The following CBX5 variants were observed in gnomAD, a reference collection of about 807,000 sequenced individuals.
The protein encoded by CBX5 is chromobox 5, also known as chromobox protein homolog 5.
In CBX5, 7 loss-of-function variants were observed where a neutral mutation model predicts 20.7. The ratio of observed to expected loss-of-function variants is 0.34; its 90% confidence interval spans 0.19 to 0.63. The LOEUF (loss-of-function observed/expected upper bound fraction) is 0.63. Ranked by LOEUF, CBX5 falls within the 30% of genes least tolerant of loss-of-function variation. The pLI is 0.75. For synonymous variants in CBX5, 78 were observed against 77.0 expected (o/e 1.01, Z -0.07); for missense variants, 110 against 224.1 (o/e 0.49, Z 3.25).
intron 1 of CBX5, among the ~76,000 whole-genome samples, chr12:54,278,103 C>T (rs577408097): frequency 6.6e-6 from 1 of 152,316 alleles, no homozygotes; most frequent in Admixed American, 6.5e-5. Context: ...TGTCTGGAAA[C>T]AATCTGTCAC....
chr12:54,246,514 G>A (rs1164713781), intron 3 of CBX5, among the ~76,000 whole-genome samples: 1 of 152,130 alleles, frequency 6.6e-6, no homozygotes. Context: ...AGGCATGGTG[G>A]CTCACGCCTG....
intron 1 of CBX5, chr12:54,273,542 T>A (rs983214340): frequency 1.3e-5 from 2 of 152,154 alleles, no homozygotes; most frequent in African/African-American, 2.4e-5. Flanking sequence ...AAAGATAGGA[T>A]TGGAGAAATT....
intron 1 of CBX5, among the ~76,000 whole-genome samples, chr12:54,267,564 T>G (rs1474444392): frequency 1.3e-5 from 2 of 151,332 alleles, no homozygotes; most frequent in African/African-American, 2.4e-5. Flanking sequence ...CAGGCTGGAG[T>G]GCAGTGGCAC....
intron 1 of CBX5, among the ~76,000 whole-genome samples, chr12:54,278,491 T>A (rs1287908359): frequency 1.3e-5 from 2 of 152,240 alleles, no homozygotes; most frequent in Non-Finnish European, 1.5e-5. Flanking sequence ...ATCGTCTGTC[T>A]TTGGTATAAA....
intron 1 of CBX5, among the ~76,000 whole-genome samples, chr12:54,266,682 C>A (rs1943959757): frequency 6.6e-6 from 1 of 152,156 alleles, no homozygotes; most frequent in African/African-American, 2.4e-5. Context: ...ATGTGGGCTA[C>A]AAGACTCAAT....
Position 54,239,911 on chromosome 12 carries a change from T to C in CBX5, c.*1844A>G, listed in dbSNP as rs1251549742. On this transcript the variant is annotated 3_prime_UTR_variant, in exon 5 of 5. Transcript: ENST00000209875. ...TGTTAACAAATGCTATGAATGGGTATATGATTTGCATATTATGTGGCTCAT... is the reference window on the plus strand; with the variant it reads ...TGTTAACAAATGCTATGAATGGGTACATGATTTGCATATTATGTGGCTCAT... 6.6e-6 allele frequency: 1 copy of C among 152,246 alleles called. No homozygotes were observed. The highest frequency in any genetic ancestry group is 1.5e-5 in the Non-Finnish European group (1 of 68,038). 9.4% of individuals were successfully genotyped at this position (152,246 alleles called of 1,614,324 possible). A position where few individuals can be genotyped will look rare whatever the true frequency, so the allele number is the denominator to read the frequency against.
At chr12:54,257,416 G>T in intron 2 of CBX5, 98 bp downstream of exon 2, 1 of 1,252,332 alleles carries the variant, frequency 8.0e-7, no homozygotes, top group Non-Finnish European at 1.1e-6. Context: ...TGCAGGAGGG[G>T]GAAGAAAAAG....
At chr12:54,246,795 A>G (rs569936739) in intron 3 of CBX5, among the ~76,000 whole-genome samples, 30 of 151,846 alleles carry the variant, frequency 2.0e-4, no homozygotes, top group Middle Eastern at 3.4e-3. Flanking sequence ...AAAAAAAAAA[A>G]AAAAAGAAAA....
chr12:54,231,412 A>T lies in CBX5; in HGVS notation c.*10343T>A, dbSNP rs909649044. On this transcript the variant is annotated 3_prime_UTR_variant, in exon 5 of 5. Coordinates refer to ENST00000209875, the MANE Select transcript of CBX5 (RefSeq NM_012117.3). The stretch of plus-strand genomic sequence containing the variant: ...CAGGGAGTCAGACTGTGCTCTCTCC[A>T]TTCCCCAGGACTCCACAGAACCATC... 6.5e-6 allele frequency: 1 copy of T among 154,618 alleles called. No individual in the cohort carries two copies. Among genetic ancestry groups the T allele is most frequent in the African/African-American group, 2.4e-5 (1 of 41,528 alleles). The allele number at this position is 154,618 out of a possible 1,614,324, so 9.6% of individuals were successfully genotyped here.
chr12:54,260,600 C>G (rs147299089), intron 1 of CBX5, among the ~76,000 whole-genome samples: 30 of 150,614 alleles, frequency 2.0e-4, no homozygotes, highest in Non-Finnish European at 4.0e-4. Context: ...TAAATTTAAA[C>G]CACTTATAGG....
At chr12:54,260,160 CAAAAAA>C (rs368171294) in intron 1 of CBX5, among the ~76,000 whole-genome samples, 1 of 74,992 alleles carries the variant, frequency 1.3e-5, no homozygotes, top group Non-Finnish European at 2.8e-5. Context: ...AAACAACAAC[CAAAAAA>C]AAAAAAAAAA....
rs775549829 is a variant in CBX5, at chr12:54,241,722, T to C, written c.*33A>G. 7 of 1,598,336 alleles carry C rather than the reference T, an allele frequency of 4.4e-6. No individual in the cohort carries two copies. Among genetic ancestry groups the C allele is most frequent in the Non-Finnish European group, 5.1e-6 (6 of 1,173,480 alleles). ...GAGGCAGGGAGGTGAATGTATTATG[T>C]ACAAAGAGAAATGACAGAGACCATC... is the stretch of plus-strand genomic sequence containing the variant. On this transcript the variant is annotated 3_prime_UTR_variant, in exon 5 of 5. Transcript: ENST00000209875.
chr12:54,275,203 A>G (rs925361134), intron 1 of CBX5, among the ~76,000 whole-genome samples: 1 of 151,990 alleles, frequency 6.6e-6, no homozygotes, highest in Non-Finnish European at 1.5e-5. Context: ...CCTTTAGTAA[A>G]CACCCCTTTT....
chr12:54,249,808 A>G (rs1260711492), intron 3 of CBX5, among the ~76,000 whole-genome samples: 1 of 152,212 alleles, frequency 6.6e-6, no homozygotes, highest in African/African-American at 2.4e-5. Flanking sequence ...TCAAACCAAA[A>G]TTTCATAAAT....
rs1038354896 is a variant in CBX5, at chr12:54,240,179, G to A, written c.*1576C>T. On this transcript the variant is annotated 3_prime_UTR_variant, in exon 5 of 5. Coordinates refer to ENST00000209875, the MANE Select transcript of CBX5 (RefSeq NM_012117.3). ...CCTTACTTTTAATTGTGATTCTCTA[G>A]CCCTCCTCAACTACAAAAAGAAAAG... 1 of 152,090 alleles carries A rather than the reference G, an allele frequency of 6.6e-6. No individual in the cohort carries two copies. Among genetic ancestry groups the A allele is most frequent in the Admixed American group, 6.6e-5 (1 of 15,266 alleles). The allele number at this position is 152,090 out of a possible 1,614,324, so 9.4% of individuals were successfully genotyped here.
intron 1 of CBX5, among the ~76,000 whole-genome samples, chr12:54,274,727 C>T (rs1944043875): frequency 6.6e-6 from 1 of 152,048 alleles, no homozygotes; most frequent in African/African-American, 2.4e-5. Context: ...ATCATGAGGT[C>T]AGTAGATTGA....
intron 1 of CBX5, among the ~76,000 whole-genome samples, chr12:54,269,000 C>T (rs1175688808): frequency 1.3e-5 from 2 of 152,194 alleles, no homozygotes; most frequent in African/African-American, 4.8e-5. Flanking sequence ...CGGTGGCTCA[C>T]GCCTATAATC....
chr12:54,239,979 ATAATC>A lies in CBX5; in HGVS notation c.*1771_*1775del, dbSNP rs1264920301. 2 of 152,348 alleles carry A rather than the reference ATAATC, an allele frequency of 1.3e-5. No individual in the cohort carries two copies. The highest frequency in any genetic ancestry group is 3.9e-4 in the East Asian group (2 of 5,190). The allele number at this position is 152,348 out of a possible 1,614,324, so 9.4% of individuals were successfully genotyped here. A position where few individuals can be genotyped will look rare whatever the true frequency, so the allele number is the denominator to read the frequency against. On this transcript the variant is annotated 3_prime_UTR_variant, in exon 5 of 5. Coordinates refer to ENST00000209875, the MANE Select transcript of CBX5 (RefSeq NM_012117.3). ...CCATCCATTCCCCTCATTACTCTGA[ATAATC>A]TAGAAATGGTAGATGCTCCTGGCCA...
rs1416703085 is a variant in CBX5, at chr12:54,235,791, G to A, written c.*5964C>T. ...GTCTCATGTTCATTCCTCCAAAAGG[G>A]ATGAGAAATTGAAAAAGGTGTGAGC... On this transcript the variant is annotated 3_prime_UTR_variant, in exon 5 of 5. Coordinates refer to ENST00000209875, the MANE Select transcript of CBX5 (RefSeq NM_012117.3). 6.6e-6 allele frequency: 1 copy of A among 152,190 alleles called. No individual in the cohort carries two copies. Among genetic ancestry groups the A allele is most frequent in the Non-Finnish European group, 1.5e-5 (1 of 68,042 alleles). 9.4% of individuals were successfully genotyped at this position (152,190 alleles called of 1,614,324 possible).
Sources: allele counts gnomAD v4.1 joint callset (sites outside exome capture counted in the v4.1 genomes callset), GRCh38; gene constraint gnomAD v4.1.1; transcripts MANE v1.5; gene names NCBI Gene and HGNC (gene_info 2026-07-23, HGNC 2026-07-21).